NIBAN1: variants seen among roughly 807,000 people sequenced by gnomAD.
NIBAN1 encodes protein Niban 1.
NIBAN1 carries 81 observed loss-of-function variants against 75.1 expected under a neutral mutation model. That is an observed-to-expected ratio of 1.08 (90% CI 0.90 to 1.30). NIBAN1 has a LOEUF of 1.30. Among genes scored for constraint, NIBAN1 ranks in the 50% most tolerant of loss-of-function variants. The probability of loss-of-function intolerance (pLI) is 0.00; values close to 1 mark genes in which losing one functional copy is unlikely to be tolerated. For synonymous variants in NIBAN1, 436 were observed against 424.8 expected, an observed-to-expected ratio of 1.03 and a Z score of -0.32; for missense variants, 1,133 against 1,128.1, an observed-to-expected ratio of 1.00 and a Z score of -0.06.
chr1:184,880,017 CCT>C (rs1656336279), intron 5 of NIBAN1, among the ~76,000 whole-genome samples: 1 of 152,190 alleles, frequency 6.6e-6, no homozygotes, highest in Non-Finnish European at 1.5e-5. Context: ...AGTCTACTGT[CCT>C]CTCTTTCTTT....
chr1:184,938,923 C>T (rs1018580327), intron 1 of NIBAN1, among the ~76,000 whole-genome samples: 6 of 152,202 alleles, frequency 3.9e-5, no homozygotes, highest in Non-Finnish European at 5.9e-5. Context: ...TCTTTAAAAG[C>T]TGGCTTCAGC....
intron 3 of NIBAN1, among the ~76,000 whole-genome samples, chr1:184,891,978 G>A (rs888201448): frequency 2.0e-5 from 3 of 152,156 alleles, no homozygotes; most frequent in African/African-American, 4.8e-5. Context: ...AGTTAAAAAC[G>A]ATGAACAAAG....
intron 1 of NIBAN1, among the ~76,000 whole-genome samples, chr1:184,965,951 A>C (rs1212701594): frequency 6.6e-6 from 1 of 152,236 alleles, no homozygotes; most frequent in African/African-American, 2.4e-5. Flanking sequence ...CAAACAGCTC[A>C]AGTCTTTCAA....
chr1:184,808,760 AG>A (rs1442741492), intron 9 of NIBAN1, among the ~76,000 whole-genome samples: 1 of 152,164 alleles, frequency 6.6e-6, no homozygotes, highest in East Asian at 1.9e-4. Context: ...AGGTTGCTTT[AG>A]GTGCTAGTGG....
chr1:184,827,159 A>T (rs1654862747), intron 6 of NIBAN1, among the ~76,000 whole-genome samples: 1 of 152,034 alleles, frequency 6.6e-6, no homozygotes, highest in South Asian at 2.1e-4. Flanking sequence ...AGTCCATTAA[A>T]ACCCTTTTTC....
At chr1:184,855,284 C>T (rs919400856) in intron 5 of NIBAN1, among the ~76,000 whole-genome samples, 2 of 152,118 alleles carry the variant, frequency 1.3e-5, no homozygotes, top group East Asian at 1.9e-4. Flanking sequence ...TGTGGGTTTA[C>T]GTTACAATCA....
chr1:184,833,083 T>C lies in NIBAN1; in HGVS notation c.602-1121A>G, dbSNP rs143481342. On this transcript the variant is annotated intron_variant, in intron 5 of 13. Transcript: ENST00000367511. ...AGCTCTCCTGCCAATAGCACATTTA[T>C]AGGGCAACATTACATTGGTGATTTG... is the stretch of plus-strand genomic sequence containing the variant. Among the ~76,000 whole-genome samples the C allele has an allele frequency of 5.0e-3, 759 of 151,976 alleles. 11 individuals are homozygous for C. The East Asian group carries it at 0.073, about 15-fold the overall frequency.
At chr1:184,884,863 T>C (rs1233308428) in intron 4 of NIBAN1, 63 bp from the exon 5 acceptor site, 13 of 1,560,750 alleles carry the variant, frequency 8.3e-6, no homozygotes, top group South Asian at 6.0e-5. Context: ...CAAATGTGTG[T>C]TTCAGGTCGT....
At chr1:184,834,722 T>A (rs1158815841) in intron 5 of NIBAN1, among the ~76,000 whole-genome samples, 2 of 152,214 alleles carry the variant, frequency 1.3e-5, no homozygotes, top group Non-Finnish European at 2.9e-5. Context: ...TCTTGTAAAT[T>A]TATTTAAGTT....
intron 12 of NIBAN1, among the ~76,000 whole-genome samples, chr1:184,803,045 T>A (rs956467377): frequency 6.6e-6 from 1 of 152,234 alleles, no homozygotes; most frequent in African/African-American, 2.4e-5. Context: ...CAATCATGGT[T>A]CTCACTGGAT....
chr1:184,803,613 T>C lies in NIBAN1; in HGVS notation c.1526A>G (p.Gln509Arg), dbSNP rs895483396. ...TTTGCATGTGGACGCCAGTGCCTTC[T>C]GCACAGTGGGAAGTGTGATTTGAAC... is the stretch of plus-strand genomic sequence containing the variant. ...ALVQITLPTV[Q>R]KALASTCKPE... Residue 509 changes from glutamine (Q) to arginine (R), a missense_variant, in exon 12 of 14, where the codon CAG becomes CGG. Coordinates refer to ENST00000367511, the MANE Select transcript of NIBAN1 (RefSeq NM_052966.4). 5 of 1,614,214 alleles carry C rather than the reference T, an allele frequency of 3.1e-6. No homozygotes were observed. The highest frequency in any genetic ancestry group is 4.2e-6 in the Non-Finnish European group (5 of 1,180,004).
chr1:184,955,307 TTTTCCTTTCCTTTCCTTTCCTTTCC>T (rs539172229), intron 1 of NIBAN1, among the ~76,000 whole-genome samples: 3 of 94,520 alleles, frequency 3.2e-5, no homozygotes, highest in Non-Finnish European at 6.4e-5. Context: ...TTTTCTTTTC[TTTTCCTTTCCTTTCCTTTCCTTTCC>T]TTTCCTTTCC....
chr1:184,804,817 T>G (rs1018762212), intron 11 of NIBAN1, among the ~76,000 whole-genome samples: 4 of 151,738 alleles, frequency 2.6e-5, no homozygotes, highest in African/African-American at 4.8e-5. Context: ...AGATAGAGTC[T>G]CACTCTGCCA....
intron 1 of NIBAN1, among the ~76,000 whole-genome samples, chr1:184,943,078 G>A (rs1658136472): frequency 1.3e-5 from 2 of 152,190 alleles, no homozygotes; most frequent in Non-Finnish European, 2.9e-5. Context: ...CCCCTTTAAT[G>A]ATCTGCTGAA....
intron 1 of NIBAN1, among the ~76,000 whole-genome samples, chr1:184,903,157 T>C (rs1416986655): frequency 6.6e-6 from 1 of 152,230 alleles, no homozygotes; most frequent in African/African-American, 2.4e-5. Context: ...CCAGGTCTTA[T>C]ACTGAAAGGA....
rs1298705732 is a variant in NIBAN1, at chr1:184,818,524, A to G, written c.1173+114T>C. The G allele has an allele frequency of 8.5e-6, 9 of 1,063,322 alleles. No homozygotes were observed. In the East Asian group the frequency reaches 2.2e-4, roughly 26 times the overall value. 65.9% of individuals were successfully genotyped at this position (1,063,322 alleles called of 1,614,324 possible). A position where few individuals can be genotyped will look rare whatever the true frequency, so the allele number is the denominator to read the frequency against. On this transcript the variant is annotated intron_variant, in intron 9 of 13. Coordinates refer to ENST00000367511, the MANE Select transcript of NIBAN1 (RefSeq NM_052966.4). ...CTGGATGAATGGAGGGAAGGGCAGA[A>G]GAATGGAAGGAAGGAAAGAAGGGAG...
chr1:184,817,517 C>T (rs1654572773), intron 9 of NIBAN1, among the ~76,000 whole-genome samples: 1 of 152,220 alleles, frequency 6.6e-6, no homozygotes, highest in South Asian at 2.1e-4. Context: ...TATTTCTTCA[C>T]ATCCTCTCCA....
chr1:184,795,490 G>T lies in NIBAN1; in HGVS notation c.2274C>A (p.Ile758=). 2.5e-6 allele frequency: 4 copies of T among 1,613,316 alleles called. No individual in the cohort carries two copies. Among genetic ancestry groups the T allele is most frequent in the Non-Finnish European group, 3.4e-6 (4 of 1,179,736 alleles). ...CACTTTCTTCACAGTTGTCGGGGTG[G>T]ATGGCAGCTGCCTGACTGGGCTCTT... ...EEKEPSQAAA[I]HPDNCEESEV... is the part of the protein sequence containing the mutation. The change falls in exon 14 of 14, where the codon ATC becomes ATA. Residue 758 remains isoleucine, a synonymous_variant. Transcript: ENST00000367511.
At chr1:184,823,782 ATG>A (rs747925719) in intron 6 of NIBAN1, 40 bp from the exon 7 acceptor site, 1 of 1,562,464 alleles carries the variant, frequency 6.4e-7, no homozygotes, top group Admixed American at 1.7e-5. Flanking sequence ...TCAGTCGGTG[ATG>A]GCTACATCTG....
Sources: gnomAD v4.1 joint callset for allele counts (sites outside exome capture counted in the v4.1 genomes callset) on GRCh38, gnomAD v4.1.1 for gene constraint, MANE v1.5 for transcripts, NCBI Gene and HGNC (gene_info 2026-07-23, HGNC 2026-07-21) for gene names.